ASAH1: variants seen among roughly 807,000 people sequenced by gnomAD.
ASAH1 encodes the protein N-acylsphingosine amidohydrolase 1, also known as acid ceramidase.
In ASAH1, 70 loss-of-function variants were observed where a neutral mutation model predicts 59.5. That is an observed-to-expected ratio of 1.18 (90% CI 0.97 to 1.43). The LOEUF (loss-of-function observed/expected upper bound fraction) is 1.43. Among genes scored for constraint, ASAH1 ranks in the 40% most tolerant of loss-of-function variants. ASAH1 has a pLI of 0.00. For synonymous variants in ASAH1, 213 were observed against 166.5 expected (o/e 1.28, Z -2.15); for missense variants, 660 against 482.5 (o/e 1.37, Z -3.45).
Position 18,057,334 on chromosome 8 carries a change from G to A in ASAH1, c.*200C>T, listed in dbSNP as rs71526182. The stretch of plus-strand genomic sequence containing the variant: ...TTTACTTCCCCTAAAGAAGTTATCT[G>A]TAAATAAGAAAAATCAACTGATAGG... On this transcript the variant is annotated 3_prime_UTR_variant, in exon 14 of 14. Transcript: ENST00000637790. 0.032 allele frequency: 12,484 copies of A among 393,860 alleles called. 307 individuals carry two copies. The highest frequency in any genetic ancestry group is 0.055 in the South Asian group (2,560 of 46,354). 24.4% of individuals were successfully genotyped at this position (393,860 alleles called of 1,614,324 possible).
chr8:18,063,355 G>A, intron 6 of ASAH1, 125 bp from the exon 7 acceptor site: 1 of 871,202 alleles, frequency 1.1e-6, no homozygotes, highest in Non-Finnish European at 1.9e-6. Context: ...CCAGACTGGA[G>A]TGCAGTGGTG....
chr8:18,062,434 C>T lies in ASAH1; in HGVS notation c.504-11G>A, dbSNP rs1799746330. 1 of 1,613,754 alleles carries T rather than the reference C, an allele frequency of 6.2e-7. No homozygotes were observed. The highest frequency in any genetic ancestry group is 1.3e-5 in the African/African-American group (1 of 74,908). ...TTATTTATGTTCCACCTATAAAAGA[C>T]ATGTTTCAGTGACATTTCAGAAACA... On this transcript the variant is annotated splice_polypyrimidine_tract_variant and intron_variant, in intron 7 of 13. Transcript: ENST00000637790.
rs1799505061 is a variant in ASAH1, at chr8:18,057,201, G to A, written c.*333C>T. 1.0e-5 allele frequency: 3 copies of A among 298,558 alleles called. No individual in the cohort carries two copies. Among genetic ancestry groups the A allele is most frequent in the East Asian group, 8.2e-5 (1 of 12,222 alleles). The allele number at this position is 298,558 out of a possible 1,614,324, so 18.5% of individuals were successfully genotyped here. On this transcript the variant is annotated 3_prime_UTR_variant, in exon 14 of 14. Transcript: ENST00000637790. ...CAGACGTGCTGGATTCAACACCCAC[G>A]CTGAATCTCCATTTATTCCACGGAG...
At chr8:18,074,678 G>A (rs980837759) in intron 2 of ASAH1, among the ~76,000 whole-genome samples, 1 of 152,134 alleles carries the variant, frequency 6.6e-6, no homozygotes. Context: ...TTTCTCACAG[G>A]CCCATTTAAA....
At chr8:18,079,758 TCAA>T (rs1213312944) in intron 1 of ASAH1, among the ~76,000 whole-genome samples, 1 of 152,256 alleles carries the variant, frequency 6.6e-6, no homozygotes, top group South Asian at 2.1e-4. Context: ...CTTGAATTCA[TCAA>T]CAACTATTTT....
At chr8:18,070,183 CTT>C (rs746683310) in intron 3 of ASAH1, among the ~76,000 whole-genome samples, 10 of 150,918 alleles carry the variant, frequency 6.6e-5, no homozygotes, top group African/African-American at 2.2e-4. Context: ...GAGTTTTGCT[CTT>C]GTCGCCCAGG....
rs1219591946 is a variant in ASAH1, at chr8:18,069,800, C to T, written c.295G>A (p.Glu99Lys). 2 of 1,572,300 alleles carry T rather than the reference C, an allele frequency of 1.3e-6. No homozygotes were observed. Among genetic ancestry groups the T allele is most frequent in the Non-Finnish European group, 1.7e-6 (2 of 1,143,162 alleles). The change falls in exon 4 of 14, where the codon GAA becomes AAA. Residue 99 changes from glutamate (E) to lysine (K), a missense_variant. Transcript: ENST00000637790. ...GAAATAATATCTCTTACCAATTTTT[C>T]ATCCACCACCTGCATAATTTTTCCA... is the stretch of plus-strand genomic sequence containing the variant. ...PSGKIMQVVD[E>K]KLPGLLGNFP...
chr8:18,059,130 G>T, intron 12 of ASAH1: 1 of 745,514 alleles, frequency 1.3e-6, no homozygotes, highest in Non-Finnish European at 2.2e-6. Context: ...ACTTCAGAGT[G>T]GTATCCAGCA....
intron 13 of ASAH1, chr8:18,058,077 TG>T (rs1417998845): frequency 6.5e-6 from 1 of 153,672 alleles, no homozygotes; most frequent in Non-Finnish European, 1.4e-5. Flanking sequence ...TCCAATACAG[TG>T]GGGGAAACTG....
intron 8 of ASAH1, 126 bp downstream of exon 8, chr8:18,062,153 A>G: frequency 1.6e-6 from 2 of 1,280,068 alleles, no homozygotes; most frequent in Non-Finnish European, 1.1e-6. Context: ...AGTGACAAGA[A>G]GTACAAGGGG....
intron 2 of ASAH1, among the ~76,000 whole-genome samples, chr8:18,072,863 T>C (rs1359607881): frequency 1.3e-5 from 2 of 152,174 alleles, no homozygotes; most frequent in Non-Finnish European, 2.9e-5. Context: ...CTCATCCCTA[T>C]GAACTCCAAT....
At chr8:18,084,196 T>A, upstream of ASAH1, 1 of 1,527,860 alleles carries the variant, frequency 6.5e-7, no homozygotes, top group Non-Finnish European at 8.7e-7. Flanking sequence ...GGGGGAACGC[T>A]CGGAGGAGGC....
intron 3 of ASAH1, among the ~76,000 whole-genome samples, chr8:18,070,729 G>A (rs1800135319): frequency 1.3e-5 from 2 of 152,212 alleles, no homozygotes; most frequent in Non-Finnish European, 2.9e-5. Context: ...ACAGAGGAAT[G>A]ACCTCTTTTC....
At position 18,084,052 on chromosome 8, in the gene ASAH1, C is replaced by G. The variant is rs1315210426; in HGVS notation, c.7G>C (p.Gly3Arg). Residue 3 changes from glycine to arginine, a missense_variant, in exon 1 of 14, where the codon GGC becomes CGC. Physicochemically the swap from Gly to Arg is moderately radical, Grantham distance 125 (BLOSUM62 -2). Transcript: ENST00000637790. ...AGGACTAAGGCGACGCAACTCCGGC[C>G]CGGCATCGCTCTAGCAGCCAACGCC... MP[G>R]RSCVALVLLA... 1 of 1,598,730 alleles carries G rather than the reference C, an allele frequency of 6.3e-7. No individual in the cohort carries two copies. Among genetic ancestry groups the G allele is most frequent in the African/African-American group, 1.3e-5 (1 of 75,042 alleles).
intron 3 of ASAH1, 88 bp downstream of exon 3, chr8:18,071,212 A>G: frequency 1.8e-6 from 1 of 548,348 alleles, no homozygotes; most frequent in Non-Finnish European, 2.4e-6. Flanking sequence ...GTCTCAAAAC[A>G]AAAAAAAAAT....
chr8:18,084,893 G>A (rs1299739811), upstream of ASAH1: 2 of 1,544,982 alleles, frequency 1.3e-6, no homozygotes, highest in South Asian at 1.2e-5. Context: ...TAGCTCGGCA[G>A]GGGGACTCGC....
chr8:18,081,261 T>G (rs1253670699), intron 1 of ASAH1, among the ~76,000 whole-genome samples: 1 of 152,062 alleles, frequency 6.6e-6, no homozygotes, highest in Non-Finnish European at 1.5e-5. Flanking sequence ...TCATTCGCCC[T>G]CCTGATTTTT....
upstream of ASAH1, chr8:18,084,250 G>C: frequency 3.4e-6 from 5 of 1,461,450 alleles, no homozygotes; most frequent in Non-Finnish European, 4.5e-6. Context: ...CCACGAAAAG[G>C]GTGGCGTAGA....
chr8:18,073,246 G>C (rs776779424), intron 2 of ASAH1: 4 of 1,572,974 alleles, frequency 2.5e-6, no homozygotes, highest in Non-Finnish European at 3.5e-6. Flanking sequence ...AAGAATAAAA[G>C]AGTATCCACC....
Sources: allele counts gnomAD v4.1 joint callset (sites outside exome capture counted in the v4.1 genomes callset), GRCh38; gene constraint gnomAD v4.1.1; transcripts MANE v1.5; gene names NCBI Gene and HGNC (gene_info 2026-07-23, HGNC 2026-07-21).